Variants in TNNI3K observed in about 807,000 individuals in gnomAD.
TNNI3K encodes the protein serine/threonine-protein kinase TNNI3K.
A neutral mutation model predicts 114.5 loss-of-function variants in TNNI3K; 140 were observed. That is an observed-to-expected ratio of 1.22 (90% confidence interval 1.07 to 1.41). TNNI3K has a LOEUF of 1.41. Ranked by LOEUF, TNNI3K falls within the 40% of genes most tolerant of loss-of-function variation. The probability of loss-of-function intolerance (pLI) is 0.00; values close to 1 mark genes in which losing one functional copy is unlikely to be tolerated. For missense variants in TNNI3K, 1,125 were observed against 1,007.6 expected (o/e 1.12, Z -1.58); for synonymous variants, 347 against 347.5 (o/e 1.00, Z 0.02).
At chr1:74,411,303 A>T (rs1447495143) in intron 17 of TNNI3K, among the ~76,000 whole-genome samples, 1 of 152,210 alleles carries the variant, frequency 6.6e-6, no homozygotes, top group Non-Finnish European at 1.5e-5. Flanking sequence ...ACCATTTGGG[A>T]TGCAGCTAAG....
At chr1:74,541,401 G>A (rs1459587839) in intron 24 of TNNI3K, 1 of 152,176 alleles carries the variant, frequency 6.6e-6, no homozygotes, top group Non-Finnish European at 1.5e-5. Context: ...ATGCAGATGA[G>A]TGCTTTTTAT....
chr1:74,326,794 A>C (rs1659928203), intron 5 of TNNI3K, among the ~76,000 whole-genome samples: 1 of 152,174 alleles, frequency 6.6e-6, no homozygotes, highest in African/African-American at 2.4e-5. Context: ...GAGAAAGAGA[A>C]GGGAAGACAT....
intron 17 of TNNI3K, among the ~76,000 whole-genome samples, chr1:74,412,155 G>A (rs1178687471): frequency 6.6e-6 from 1 of 151,998 alleles, no homozygotes; most frequent in Non-Finnish European, 1.5e-5. Flanking sequence ...TGGGGAGCTG[G>A]GCTCTGATTT....
chr1:74,318,576 G>C (rs1050779665), intron 5 of TNNI3K, among the ~76,000 whole-genome samples: 2 of 151,630 alleles, frequency 1.3e-5, no homozygotes, highest in Non-Finnish European at 2.9e-5. Context: ...ATCCTCCCCT[G>C]TTTGCTTAGA....
intron 17 of TNNI3K, chr1:74,375,611 G>T: frequency 2.2e-6 from 1 of 454,856 alleles, no homozygotes; most frequent in Non-Finnish European, 4.4e-6. Flanking sequence ...CTGATAAACT[G>T]GGTCATCTGG....
At chr1:74,336,829 A>T (rs2100427500) in intron 7 of TNNI3K, among the ~76,000 whole-genome samples, 1 of 152,178 alleles carries the variant, frequency 6.6e-6, no homozygotes, top group Non-Finnish European at 1.5e-5. Flanking sequence ...ATGTGTCTTT[A>T]TAGCAGCATG....
chr1:74,352,591 C>T (rs1661420913), intron 9 of TNNI3K, among the ~76,000 whole-genome samples: 1 of 152,216 alleles, frequency 6.6e-6, no homozygotes, highest in Non-Finnish European at 1.5e-5. Context: ...GCAGGCAGGC[C>T]TCCTTGAGCT....
intron 9 of TNNI3K, among the ~76,000 whole-genome samples, chr1:74,352,063 G>A (rs1661381854): frequency 6.6e-6 from 1 of 152,104 alleles, no homozygotes; most frequent in Non-Finnish European, 1.5e-5. Flanking sequence ...AGAGTTTCTG[G>A]TTGTTCTGCT....
intron 17 of TNNI3K, among the ~76,000 whole-genome samples, chr1:74,383,699 G>C (rs865869108): frequency 4.6e-5 from 7 of 151,910 alleles, no homozygotes; most frequent in African/African-American, 1.7e-4. Flanking sequence ...AATGACTGGG[G>C]CCTAATAAAA....
chr1:74,422,493 C>G (rs1198950921), intron 17 of TNNI3K, among the ~76,000 whole-genome samples: 1 of 152,076 alleles, frequency 6.6e-6, no homozygotes, highest in Non-Finnish European at 1.5e-5. Context: ...CCCCAGATCA[C>G]TCAGTGAACT....
chr1:74,301,413 G>C (rs1400518322), intron 5 of TNNI3K, among the ~76,000 whole-genome samples: 1 of 151,936 alleles, frequency 6.6e-6, no homozygotes, highest in African/African-American at 2.4e-5. Context: ...AAAAATGATG[G>C]GGAGGGGGTT....
intron 20 of TNNI3K, among the ~76,000 whole-genome samples, chr1:74,451,062 T>A (rs45598042): frequency 6.6e-6 from 1 of 152,318 alleles, no homozygotes; most frequent in South Asian, 2.1e-4. Flanking sequence ...TGGAATATTA[T>A]GCTGCCATAA....
intron 23 of TNNI3K, 102 bp downstream of exon 23, chr1:74,492,368 C>G (rs1669125096): frequency 7.6e-7 from 1 of 1,311,042 alleles, no homozygotes; most frequent in Non-Finnish European, 9.8e-7. Context: ...TGATTACCCC[C>G]TGAAAAACTT....
At chr1:74,477,353 T>C (rs1668256770) in intron 21 of TNNI3K, among the ~76,000 whole-genome samples, 1 of 152,108 alleles carries the variant, frequency 6.6e-6, no homozygotes, top group East Asian at 1.9e-4. Flanking sequence ...ATGTGACATG[T>C]TTAATACAGT....
At chr1:74,274,876 C>A (rs1557467202) in intron 5 of TNNI3K, among the ~76,000 whole-genome samples, 1 of 152,046 alleles carries the variant, frequency 6.6e-6, no homozygotes, top group Non-Finnish European at 1.5e-5. Context: ...CAGAATACCT[C>A]TTTTGTAAGA....
intron 20 of TNNI3K, among the ~76,000 whole-genome samples, chr1:74,439,964 T>C (rs1395979499): frequency 6.6e-6 from 1 of 152,052 alleles, no homozygotes; most frequent in Admixed American, 6.6e-5. Flanking sequence ...GGTGAGATTT[T>C]AGAATTGCCC....
intron 17 of TNNI3K, among the ~76,000 whole-genome samples, chr1:74,397,556 A>G (rs1250024679): frequency 6.6e-6 from 1 of 152,226 alleles, no homozygotes; most frequent in Non-Finnish European, 1.5e-5. Context: ...TTATAAAAAG[A>G]TAATTTGTCT....
In TNNI3K at chr1:74,237,063, G is replaced by T. The variant is rs137921913; in HGVS notation, c.149+853G>T. Among the ~76,000 whole-genome samples, 420 of 152,030 alleles carry T rather than the reference G, an allele frequency of 2.8e-3. 1 individual carries two copies. Among genetic ancestry groups the T allele is most frequent in the African/African-American group, 9.5e-3 (396 of 41,540 alleles). On this transcript the variant is annotated intron_variant, in intron 2 of 24. Coordinates refer to ENST00000326637, the MANE Select transcript of TNNI3K (RefSeq NM_015978.3). ...GACACATCTTTAAAATAAAATTTTA[G>T]ATATAGTAAACATATAAATATCACA... is the stretch of plus-strand genomic sequence containing the variant.
intron 17 of TNNI3K, among the ~76,000 whole-genome samples, chr1:74,401,596 A>T (rs1664367262): frequency 6.6e-6 from 1 of 152,236 alleles, no homozygotes; most frequent in Non-Finnish European, 1.5e-5. Context: ...AGAGGGAAGT[A>T]CTTTTAGAGT....
Sources: allele counts gnomAD v4.1 joint callset (sites outside exome capture counted in the v4.1 genomes callset), GRCh38; gene constraint gnomAD v4.1.1; transcripts MANE v1.5; gene names NCBI Gene and HGNC (gene_info 2026-07-23, HGNC 2026-07-21).